Variants in WNK1 observed in about 807,000 individuals in gnomAD.
WNK1 encodes serine/threonine-protein kinase WNK1.
A neutral mutation model predicts 222.8 loss-of-function variants in WNK1; 38 were observed. The ratio of observed to expected loss-of-function variants is 0.17; its 90% CI spans 0.13 to 0.22. The LOEUF (loss-of-function observed/expected upper bound fraction) is 0.22, where lower values mean the gene tolerates loss of function less well. Among genes scored for constraint, WNK1 ranks in the 10% least tolerant of loss-of-function variants. The probability of loss-of-function intolerance (pLI) is 1.00; values close to 1 mark genes in which losing one functional copy is unlikely to be tolerated. For missense variants in WNK1, 2,348 were observed against 2,918.4 expected (o/e 0.80, Z 4.50); for synonymous variants, 1,090 against 1,092.9 (o/e 1.00, Z 0.05).
At chr12:769,709 G>T (rs747130530) in intron 1 of WNK1, among the ~76,000 whole-genome samples, 11 of 152,138 alleles carry the variant, frequency 7.2e-5, no homozygotes, top group Non-Finnish European at 2.9e-5. Context: ...CCTGTTTTCG[G>T]TGAAGAATTA....
intron 1 of WNK1, among the ~76,000 whole-genome samples, chr12:770,468 TC>T (rs1208601632): frequency 6.6e-6 from 1 of 152,242 alleles, no homozygotes; most frequent in East Asian, 1.9e-4. Flanking sequence ...AATATATTAA[TC>T]TGTTTCTTTT....
intron 9 of WNK1, among the ~76,000 whole-genome samples, chr12:875,983 G>A (rs1296167196): frequency 1.3e-5 from 2 of 151,990 alleles, no homozygotes; most frequent in African/African-American, 4.8e-5. Flanking sequence ...TTCTCAGGTG[G>A]GAAATTAACA....
rs1941037835 is a variant in WNK1 at position 761,670 on chromosome 12, TAG to T, written c.759+7350_759+7351del. 2.0e-5 allele frequency among the ~76,000 whole-genome samples: 3 copies of T among 148,032 alleles called. No individual in the cohort carries two copies. The South Asian group carries it at 6.6e-4, about 33-fold the overall frequency. On this transcript the variant is annotated intron_variant, in intron 1 of 27. Transcript: ENST00000315939. ...AATGTGCACATTCTCTGTTACTAGATAGAGATTAACAGATTTCTTGGGATAAG... is the reference window on the plus strand; with the variant it reads ...AATGTGCACATTCTCTGTTACTAGATAGATTAACAGATTTCTTGGGATAAG...
At chr12:889,404 T>G (rs1953985031) in intron 21 of WNK1, among the ~76,000 whole-genome samples, 181 bp downstream of exon 21, 1 of 152,220 alleles carries the variant, frequency 6.6e-6, no homozygotes, top group African/African-American at 2.4e-5. Flanking sequence ...GGAGTATCAC[T>G]ATGGAAAAGA....
Position 884,854 on chromosome 12 carries a change from A to G in WNK1, c.4050A>G (p.Ala1350=), listed in dbSNP as rs1207944668. The G allele has an allele frequency of 3.9e-5, 63 of 1,614,070 alleles. No individual in the cohort carries two copies. Among genetic ancestry groups the G allele is most frequent in the Non-Finnish European group, 5.3e-5 (62 of 1,180,028 alleles). Residue 1350 remains alanine (A), a synonymous_variant, in exon 19 of 28, where the codon GCA becomes GCG. Coordinates refer to ENST00000315939, the MANE Select transcript of WNK1 (RefSeq NM_018979.4). This position sits in a 1 kb window ranked among gnomAD's most constrained non-coding sequence, Gnocchi z 5.6. ...LSSIAGVPTT[A]AATAPVPATS... ...GCATTGCTGGAGTCCCAACCACAGC[A>G]GCAGCCACAGCACCAGTCCCTGCAA...
chr12:879,794 G>A lies in WNK1; in HGVS notation c.2595G>A (p.Met865Ile). 1 of 1,613,414 alleles carries A rather than the reference G, an allele frequency of 6.2e-7. No individual in the cohort carries two copies. The highest frequency in any genetic ancestry group is 8.5e-7 in the Non-Finnish European group (1 of 1,179,894). Residue 865 changes from methionine (M) to isoleucine (I), a missense_variant, in exon 11 of 28, where the codon ATG becomes ATA. By Grantham distance (10) the Met-to-Ile change is conservative. Around this residue, in one of 13 missense-constraint regions of WNK1, gnomAD observed 547 missense variants for 558.3 expected, o/e 0.98. Transcript: ENST00000315939. ...QTGFSSLPITMAAGITQPLLT... is the reference protein window; with the variant it reads ...QTGFSSLPITIAAGITQPLLT... Reference sequence around the variant, plus strand: ...GTTTCTCATCCCTTCCCATCACAATGGCAGCTGGCATTACTCAGCCTCTGC... The same window carrying A: ...GTTTCTCATCCCTTCCCATCACAATAGCAGCTGGCATTACTCAGCCTCTGC...
chr12:880,838 G>A lies in WNK1; in HGVS notation c.2950G>A (p.Val984Ile). The change falls in exon 12 of 28, where the codon GTA becomes ATA. Residue 984 changes from valine (V) to isoleucine (I), a missense_variant. Physicochemically the swap from Val to Ile is conservative, Grantham distance 29. Around this residue, in one of 13 missense-constraint regions of WNK1, gnomAD observed 547 missense variants for 558.3 expected, o/e 0.98. Transcript: ENST00000315939. ...CCTATCCCCTCCCATGCCGACAGAAGTACTGGCTACACCTGGGTACTTTCC... is the reference window on the plus strand; with the variant it reads ...CCTATCCCCTCCCATGCCGACAGAAATACTGGCTACACCTGGGTACTTTCC... ...TVLSPPMPTE[V>I]LATPGYFPTV... The A allele has an allele frequency of 6.2e-7, 1 of 1,614,064 alleles. No individual in the cohort carries two copies. Among genetic ancestry groups the A allele is most frequent in the South Asian group, 1.1e-5 (1 of 91,070 alleles).
intron 4 of WNK1, among the ~76,000 whole-genome samples, chr12:836,232 A>G (rs1949169560): frequency 6.6e-6 from 1 of 152,222 alleles, no homozygotes; most frequent in East Asian, 1.9e-4. Context: ...GTAGATCAAC[A>G]TGCTATATGA....
chr12:849,621 G>A (rs988463488), intron 4 of WNK1, among the ~76,000 whole-genome samples: 2 of 151,966 alleles, frequency 1.3e-5, no homozygotes, highest in Non-Finnish European at 2.9e-5. Flanking sequence ...CAACATGCAG[G>A]TTAGTTACAT....
chr12:784,795 C>A (rs1022750805), intron 1 of WNK1, among the ~76,000 whole-genome samples: 1 of 152,170 alleles, frequency 6.6e-6, no homozygotes, highest in Non-Finnish European at 1.5e-5. Context: ...GATCTTCATT[C>A]ATTCTCATTT....
chr12:908,114 C>A (rs573709550), intron 27 of WNK1, 80 bp downstream of exon 27: 3 of 1,491,850 alleles, frequency 2.0e-6, no homozygotes, highest in Non-Finnish European at 2.8e-6. Context: ...TGCTGCTTAA[C>A]GTCTTACGCC....
chr12:870,153 A>G, intron 8 of WNK1, among the ~76,000 whole-genome samples: 1 of 152,294 alleles, frequency 6.6e-6, no homozygotes, highest in East Asian at 1.9e-4. Context: ...TTCCCTCATC[A>G]GGAGCATAAA....
chr12:891,602 C>CT (rs71441624), intron 22 of WNK1, among the ~76,000 whole-genome samples: 19,359 of 125,928 alleles, frequency 0.15, 1,349 homozygotes, highest in East Asian at 0.21. Context: ...GATTTTTTTT[C>CT]TTTTTTTTTT....
In WNK1 at chr12:897,367, G is replaced by A. The variant is rs572622785; in HGVS notation, c.6246-112G>A. 8 of 777,004 alleles carry A rather than the reference G, an allele frequency of 1.0e-5. 1 individual carries two copies. Among genetic ancestry groups the A allele is most frequent in the South Asian group, 9.9e-5 (7 of 70,480 alleles). 48.1% of individuals were successfully genotyped at this position (777,004 alleles called of 1,614,324 possible). A position where few individuals can be genotyped will look rare whatever the true frequency, so the allele number is the denominator to read the frequency against. ...TCGTGGTAGTACATTTGGGGAAAAG[G>A]TTCATTAGTAACTACTACATACTTG... On this transcript the variant is annotated intron_variant, in intron 24 of 27. Transcript: ENST00000315939.
In WNK1 at chr12:753,866, T is replaced by A; in HGVS notation, c.301T>A (p.Ser101Thr). Residue 101 changes from serine to threonine, a missense_variant, in exon 1 of 28, where the codon TCC (serine) becomes ACC (threonine). Ser to Thr is a moderately conservative substitution (Grantham distance 58). Around this residue, in one of 13 missense-constraint regions of WNK1, gnomAD observed 185 missense variants for 159.2 expected, o/e 1.16. Transcript: ENST00000315939. The surrounding 1 kb of genome is among the most constrained non-coding windows in gnomAD (Gnocchi z 5.2). ...ACTGGAGCTTCCCGGCCTTCCTCTT[T>A]CCCTGCCCCAGCCCAGCATCCCCGC... ...TALELPGLPL[S>T]LPQPSIPAAV... The A allele has an allele frequency of 6.2e-7, 1 of 1,612,474 alleles. No homozygotes were observed.
intron 1 of WNK1, among the ~76,000 whole-genome samples, chr12:761,900 C>G (rs576539910): frequency 5.4e-5 from 8 of 146,998 alleles, no homozygotes; most frequent in African/African-American, 1.7e-4. Context: ...TATTGCCCCT[C>G]TCACACACAG....
intron 1 of WNK1, among the ~76,000 whole-genome samples, chr12:792,254 G>A (rs190825694): frequency 1.3e-5 from 2 of 150,600 alleles, no homozygotes; most frequent in Admixed American, 1.3e-4. Context: ...AACTACAGTA[G>A]TATATGTATT....
intron 2 of WNK1, among the ~76,000 whole-genome samples, chr12:817,553 C>T (rs1012060829): frequency 2.0e-5 from 3 of 152,032 alleles, no homozygotes; most frequent in Non-Finnish European, 4.4e-5. Flanking sequence ...TTGGACCTTT[C>T]GAGTTTCTAC....
intron 1 of WNK1, among the ~76,000 whole-genome samples, chr12:792,703 A>G (rs918942068): frequency 1.3e-5 from 2 of 152,234 alleles, no homozygotes; most frequent in East Asian, 1.9e-4. Flanking sequence ...AAAAATTTAC[A>G]GCAGAACCTG....
Sources: allele counts gnomAD v4.1 joint callset (sites outside exome capture counted in the v4.1 genomes callset), GRCh38; gene constraint gnomAD v4.1.1; regional missense constraint gnomAD v4.1.1; non-coding constraint Gnocchi (gnomAD v3.1); transcripts MANE v1.5; gene names NCBI Gene and HGNC (gene_info 2026-07-23, HGNC 2026-07-21).